Variants in IQSEC1 observed in about 807,000 individuals in gnomAD.
IQSEC1 encodes the protein IQ motif and Sec7 domain ArfGEF 1.
Under a neutral mutation model 91.0 loss-of-function variants are expected in IQSEC1, and 31 were observed. The observed-to-expected ratio is 0.34, with a 90% CI of 0.26 to 0.46. The LOEUF is 0.46. IQSEC1 is among the 20% of genes least tolerant of loss of function. The pLI, the probability that IQSEC1 is intolerant of heterozygous loss-of-function variation, is 1.00. For missense variants in IQSEC1, 1,388 were observed against 1,575.6 expected (o/e 0.88, Z 2.02); for synonymous variants, 699 against 662.6 (o/e 1.05, Z -0.84).
At chr3:13,044,907 G>C (rs1452713583) in intron 1 of IQSEC1, among the ~76,000 whole-genome samples, 1 of 152,276 alleles carries the variant, frequency 6.6e-6, no homozygotes, top group African/African-American at 2.4e-5. Flanking sequence ...AGGGCACAGA[G>C]TTCTGGTAGC....
chr3:12,978,123 A>C (rs1242097602), intron 1 of IQSEC1, among the ~76,000 whole-genome samples: 1 of 152,252 alleles, frequency 6.6e-6, no homozygotes, highest in Non-Finnish European at 1.5e-5. Context: ...GAGTTCACAT[A>C]ATCCTGACAG....
chr3:13,233,276 A>C (rs1236330141), intron 1 of IQSEC1, among the ~76,000 whole-genome samples: 1 of 152,134 alleles, frequency 6.6e-6, no homozygotes, highest in Non-Finnish European at 1.5e-5. Flanking sequence ...CACCCCAGGG[A>C]CCAGATGCAA....
intron 1 of IQSEC1, among the ~76,000 whole-genome samples, chr3:13,066,846 C>T (rs192284712): frequency 6.6e-6 from 1 of 152,316 alleles, no homozygotes; most frequent in East Asian, 1.9e-4. Flanking sequence ...ACAGGCCTGG[C>T]GTGTGTCAGG....
chr3:13,168,027 C>T (rs1693531723), intron 1 of IQSEC1, among the ~76,000 whole-genome samples: 1 of 152,182 alleles, frequency 6.6e-6, no homozygotes, highest in African/African-American at 2.4e-5. Flanking sequence ...AGGTTTAAGC[C>T]TCACAGGCAG....
At position 13,214,643 on chromosome 3, in the gene IQSEC1, A is replaced by G. The variant is rs939014304; in HGVS notation, c.273-50510T>C. 6.6e-6 allele frequency among the ~76,000 whole-genome samples: 1 copy of G among 152,198 alleles called. No homozygotes were observed. Among genetic ancestry groups the G allele is most frequent in the Non-Finnish European group, 1.5e-5 (1 of 68,040 alleles). On this transcript the variant is annotated intron_variant, in intron 1 of 15. Transcript: ENST00000648114. The surrounding 1 kb of genome is among the most constrained non-coding windows in gnomAD (Gnocchi z 4.5). ...GCACCTCCAGGAATCCACCCTGGCAAGAGCAGGGCCACGGTGCCATCAAGG... is the reference window on the plus strand; with the variant it reads ...GCACCTCCAGGAATCCACCCTGGCAGGAGCAGGGCCACGGTGCCATCAAGG...
At chr3:12,988,609 G>A (rs1390648589) in intron 1 of IQSEC1, among the ~76,000 whole-genome samples, 1 of 152,112 alleles carries the variant, frequency 6.6e-6, no homozygotes, top group Non-Finnish European at 1.5e-5. Context: ...TTCCATAGGT[G>A]GTACGACAGG....
chr3:13,201,633 C>T (rs914723719), intron 1 of IQSEC1, among the ~76,000 whole-genome samples: 1 of 152,194 alleles, frequency 6.6e-6, no homozygotes, highest in Admixed American at 6.5e-5. Context: ...CCTTAGCCAC[C>T]GTGCCCAGAC....
chr3:12,900,218 C>A lies in IQSEC1; in HGVS notation c.*765G>T, dbSNP rs938269270. 14 of 982,944 alleles carry A rather than the reference C, an allele frequency of 1.4e-5. No individual in the cohort carries two copies. Among genetic ancestry groups the A allele is most frequent in the Non-Finnish European group, 4.8e-6 (4 of 827,828 alleles). 60.9% of individuals were successfully genotyped at this position (982,944 alleles called of 1,614,324 possible). A position where few individuals can be genotyped will look rare whatever the true frequency, so the allele number is the denominator to read the frequency against. On this transcript the variant is annotated 3_prime_UTR_variant, in exon 14 of 14. Transcript: ENST00000613206. ...TTTTAAACAGTTAGATGCTATGTTA[C>A]TTGGCACAGTTAGTAATGATTGTGT...
chr3:13,022,084 C>T lies in IQSEC1; in HGVS notation c.23+50908G>A. On this transcript the variant is annotated intron_variant, in intron 1 of 13. Coordinates refer to ENST00000613206, the MANE Select transcript of IQSEC1 (RefSeq NM_001134382.3). ...CTTCCACATAAGGCTCCACACGGCA[C>T]TGCCATACCCCTTCATGCCTGGCTC... 1.1e-5 allele frequency: 13 copies of T among 1,231,892 alleles called. No individual in the cohort carries two copies. The South Asian group carries it at 4.5e-4, about 43-fold the overall frequency. The allele number at this position is 1,231,892 out of a possible 1,614,324, so 76.3% of individuals were successfully genotyped here.
chr3:13,116,062 T>G (rs1347713354), intron 2 of IQSEC1, among the ~76,000 whole-genome samples: 1 of 152,190 alleles, frequency 6.6e-6, no homozygotes. Context: ...CCTCAGGCAA[T>G]GAAGAAGGGT....
intron 2 of IQSEC1, among the ~76,000 whole-genome samples, chr3:13,142,462 G>T (rs1396126259): frequency 3.9e-5 from 6 of 152,156 alleles, no homozygotes; most frequent in Non-Finnish European, 7.4e-5. Context: ...GTTGGATCCC[G>T]CACAGGTGGA....
intron 1 of IQSEC1, among the ~76,000 whole-genome samples, chr3:13,018,662 G>A (rs534755566): frequency 3.7e-4 from 56 of 152,260 alleles, no homozygotes; most frequent in African/African-American, 1.1e-3. Flanking sequence ...GGGGAGGGGC[G>A]GGGAGCTGGT....
chr3:12,941,999 C>A (rs927492854), intron 1 of IQSEC1, 134 bp from the exon 2 acceptor site: 1 of 805,628 alleles, frequency 1.2e-6, no homozygotes, highest in Non-Finnish European at 1.9e-6. Flanking sequence ...ATGGCTGAGT[C>A]CACATGTGCA....
intron 1 of IQSEC1, among the ~76,000 whole-genome samples, chr3:13,052,082 G>C (rs1405752161): frequency 2.6e-5 from 4 of 152,134 alleles, no homozygotes; most frequent in African/African-American, 9.7e-5. Context: ...GACTTCACCA[G>C]TTACACATGC....
At chr3:13,020,634 C>T (rs1703356593) in intron 1 of IQSEC1, among the ~76,000 whole-genome samples, 1 of 152,212 alleles carries the variant, frequency 6.6e-6, no homozygotes, top group Non-Finnish European at 1.5e-5. Flanking sequence ...TAGCTCATGA[C>T]ATCCTATTCT....
At chr3:13,074,182 C>T (rs151023829), upstream of IQSEC1, among the ~76,000 whole-genome samples, 41 of 152,276 alleles carry the variant, frequency 2.7e-4, no homozygotes, top group Non-Finnish European at 4.3e-4. Flanking sequence ...CCAAGAGAGG[C>T]GGGAAGGAGG....
At chr3:12,989,980 T>C (rs898672309) in intron 1 of IQSEC1, among the ~76,000 whole-genome samples, 5 of 152,238 alleles carry the variant, frequency 3.3e-5, no homozygotes, top group Non-Finnish European at 7.3e-5. Flanking sequence ...TGCTCAATTT[T>C]CTTCCTGGTT....
chr3:12,928,360 C>T (rs758969348), intron 3 of IQSEC1, among the ~76,000 whole-genome samples: 36 of 152,148 alleles, frequency 2.4e-4, no homozygotes, highest in Non-Finnish European at 4.3e-4. Flanking sequence ...AGGGCCATAC[C>T]GCAGAAGTGA....
chr3:13,052,368 C>G (rs1453592497), intron 1 of IQSEC1, among the ~76,000 whole-genome samples: 1 of 152,236 alleles, frequency 6.6e-6, no homozygotes, highest in African/African-American at 2.4e-5. Context: ...CACTCTTCGG[C>G]GTGGAGGGTC....
Sources: gnomAD v4.1 joint callset for allele counts (sites outside exome capture counted in the v4.1 genomes callset) on GRCh38, gnomAD v4.1.1 for gene constraint, Gnocchi (gnomAD v3.1) non-coding constraint, MANE v1.5 for transcripts, NCBI Gene and HGNC (gene_info 2026-07-23, HGNC 2026-07-21) for gene names.